Variants in MDH2 observed in about 807,000 individuals in gnomAD.
MDH2 encodes malate dehydrogenase 2, also known as malate dehydrogenase, mitochondrial.
MDH2 carries 25 observed loss-of-function variants against 33.6 expected under a neutral mutation model. The observed-to-expected ratio is 0.74, with a 90% confidence interval of 0.54 to 1.04. The LOEUF (loss-of-function observed/expected upper bound fraction) is 1.04. Ranked by LOEUF, MDH2 falls within the 50% of genes least tolerant of loss-of-function variation. The probability of loss-of-function intolerance (pLI) is 0.00; values close to 1 mark genes in which losing one functional copy is unlikely to be tolerated. For missense variants in MDH2, 432 were observed against 445.0 expected, an observed-to-expected ratio of 0.97 and a Z score of 0.26; for synonymous variants, 193 against 188.7, an observed-to-expected ratio of 1.02 and a Z score of -0.19.
intron 2 of MDH2, 61 bp from the exon 3 acceptor site, chr7:76,057,349 A>G: frequency 1.3e-6 from 2 of 1,591,502 alleles, no homozygotes; most frequent in Non-Finnish European, 1.7e-6. Flanking sequence ...CCAGGGCTGA[A>G]CTTTCCAGGC....
rs1554587288 is a variant in MDH2 at position 76,063,505 on chromosome 7, T to C, written c.556-10T>C. 3 of 1,614,114 alleles carry C rather than the reference T, an allele frequency of 1.9e-6. No individual in the cohort carries two copies. Among genetic ancestry groups the C allele is most frequent in the Admixed American group, 1.7e-5 (1 of 60,034 alleles). ...TGTTAACTCATCCAGCTTCATACTTTGGTCACCAGGGTTTGGATCCAGCTC... is the reference window on the plus strand; with the variant it reads ...TGTTAACTCATCCAGCTTCATACTTCGGTCACCAGGGTTTGGATCCAGCTC... On this transcript the variant is annotated splice_polypyrimidine_tract_variant and intron_variant, in intron 5 of 8. Transcript: ENST00000315758.
At chr7:76,061,923 AC>A (rs1554587076) in intron 5 of MDH2, among the ~76,000 whole-genome samples, 1 of 152,228 alleles carries the variant, frequency 6.6e-6, no homozygotes, top group East Asian at 1.9e-4. Flanking sequence ...CCTCTGCCAC[AC>A]AAACCACATT....
intron 1 of MDH2, chr7:76,048,800 T>C: frequency 8.2e-7 from 1 of 1,221,398 alleles, no homozygotes; most frequent in Non-Finnish European, 1.0e-6. Flanking sequence ...GTGGGCGGAC[T>C]GAGCCTGCCG....
intron 8 of MDH2, 53 bp from the exon 9 acceptor site, chr7:76,066,226 C>A (rs1490711118): frequency 5.0e-6 from 8 of 1,587,384 alleles, no homozygotes; most frequent in Non-Finnish European, 5.2e-6. Flanking sequence ...CGGGGTTTCT[C>A]TAACAAGCAC....
intron 8 of MDH2, among the ~76,000 whole-genome samples, chr7:76,065,703 T>G (rs1267319969): frequency 6.6e-6 from 1 of 152,002 alleles, no homozygotes; most frequent in Admixed American, 6.6e-5. Flanking sequence ...GGGAATTGAG[T>G]TGAGGTGAGG....
rs1798104924 is a variant in MDH2, at chr7:76,066,660, C to T, written c.*250C>T. 2 of 360,982 alleles carry T rather than the reference C, an allele frequency of 5.5e-6. No homozygotes were observed. The highest frequency in any genetic ancestry group is 5.0e-6 in the Non-Finnish European group (1 of 198,808). 22.4% of individuals were successfully genotyped at this position (360,982 alleles called of 1,614,324 possible). On this transcript the variant is annotated 3_prime_UTR_variant, in exon 9 of 9. Coordinates refer to ENST00000315758, the MANE Select transcript of MDH2 (RefSeq NM_005918.4). Reference sequence around the variant, plus strand: ...AGAGCCAACTTTAGAGTGTCTGCTACCTCTTCATTACCAATCAGAATTAGA... The same window carrying T: ...AGAGCCAACTTTAGAGTGTCTGCTATCTCTTCATTACCAATCAGAATTAGA...
At position 76,060,486 on chromosome 7, in the gene MDH2, T is replaced by G. The variant is rs61742694; in HGVS notation, c.543T>G (p.Val181=). ...TLDIVRANTF[V]AELKGLDPAR... ...ACATCGTCAGAGCCAACACCTTTGTTGCAGAGCTGAAGGTAAGGGCGGCGT... is the reference window on the plus strand; with the variant it reads ...ACATCGTCAGAGCCAACACCTTTGTGGCAGAGCTGAAGGTAAGGGCGGCGT... Residue 181 remains valine (V), a synonymous_variant, in exon 5 of 9, where the codon GTT becomes GTG. Coordinates refer to ENST00000315758, the MANE Select transcript of MDH2 (RefSeq NM_005918.4). 380 of 1,614,148 alleles carry G rather than the reference T, an allele frequency of 2.4e-4. 2 individuals carry two copies. The African/African-American group carries it at 3.6e-3, about 15-fold the overall frequency.
chr7:76,066,214 G>T, intron 8 of MDH2, 65 bp from the exon 9 acceptor site: 1 of 1,578,198 alleles, frequency 6.3e-7, no homozygotes, highest in Non-Finnish European at 8.6e-7. Context: ...GGAGCGACAG[G>T]TCGGGGTTTC....
At chr7:76,049,927 G>A (rs1257278237) in intron 1 of MDH2, among the ~76,000 whole-genome samples, 4 of 152,114 alleles carry the variant, frequency 2.6e-5, no homozygotes, top group African/African-American at 9.7e-5. Flanking sequence ...CACCTCCCAG[G>A]TTGGAGCGAT....
Position 76,066,523 on chromosome 7 carries a change from ACAT to A in MDH2, c.*120_*122del, listed in dbSNP as rs1554587943. ...TGCTTTGGTGATGATTACTGTATTG[ACAT>A]CATCATGCCTTCCAAATTGTGGGTG... On this transcript the variant is annotated 3_prime_UTR_variant, in exon 9 of 9. Transcript: ENST00000315758. 1.5e-6 allele frequency: 2 copies of A among 1,300,788 alleles called. No homozygotes were observed. The highest frequency in any genetic ancestry group is 2.7e-5 in the East Asian group (1 of 37,428). The allele number at this position is 1,300,788 out of a possible 1,614,324, so 80.6% of individuals were successfully genotyped here. A position where few individuals can be genotyped will look rare whatever the true frequency, so the allele number is the denominator to read the frequency against.
At chr7:76,064,594 G>A (rs782291117) in intron 7 of MDH2, among the ~76,000 whole-genome samples, 156 bp downstream of exon 7, 20 of 152,220 alleles carry the variant, frequency 1.3e-4, no homozygotes, top group Non-Finnish European at 2.6e-4. Flanking sequence ...AGGGCAGCTC[G>A]GCCTGCTTTG....
rs73705405 is a variant in MDH2 at position 76,067,346 on chromosome 7, T to G, written c.*936T>G. 6.6e-6 allele frequency: 1 copy of G among 152,308 alleles called. No individual in the cohort carries two copies. The highest frequency in any genetic ancestry group is 2.4e-5 in the African/African-American group (1 of 41,572). The allele number at this position is 152,308 out of a possible 1,614,324, so 9.4% of individuals were successfully genotyped here. A position where few individuals can be genotyped will look rare whatever the true frequency, so the allele number is the denominator to read the frequency against. ...GCTGGAGGTGTGCCCAGTACTTGGA[T>G]GTTCATCTGTCCACAACAGCTTTTT... On this transcript the variant is annotated 3_prime_UTR_variant, in exon 9 of 9. Transcript: ENST00000315758.
chr7:76,049,026 T>A, intron 1 of MDH2: 1 of 957,614 alleles, frequency 1.0e-6, no homozygotes, highest in Non-Finnish European at 1.2e-6. Context: ...TGAATCTAAT[T>A]AAACCTAATT....
At chr7:76,051,076 G>C (rs1797612395) in intron 1 of MDH2, among the ~76,000 whole-genome samples, 1 of 152,020 alleles carries the variant, frequency 6.6e-6, no homozygotes, top group Non-Finnish European at 1.5e-5. Flanking sequence ...GTAGAGATGG[G>C]GTTTCGCCAT....
chr7:76,064,730 G>A, intron 7 of MDH2, 72 bp from the exon 8 acceptor site: 1 of 1,495,652 alleles, frequency 6.7e-7, no homozygotes, highest in South Asian at 1.3e-5. Flanking sequence ...AGGTGTCTTG[G>A]CTGGCGGGGC....
In MDH2 at chr7:76,066,645, T is replaced by G; in HGVS notation, c.*235T>G. 1 of 412,574 alleles carries G rather than the reference T, an allele frequency of 2.4e-6. No homozygotes were observed. The highest frequency in any genetic ancestry group is 4.3e-5 in the South Asian group (1 of 23,198). The allele number at this position is 412,574 out of a possible 1,614,324, so 25.6% of individuals were successfully genotyped here. A position where few individuals can be genotyped will look rare whatever the true frequency, so the allele number is the denominator to read the frequency against. ...GCTTTCTTCCCTGTGAGAGCCAACTTTAGAGTGTCTGCTACCTCTTCATTA... is the reference window on the plus strand; with the variant it reads ...GCTTTCTTCCCTGTGAGAGCCAACTGTAGAGTGTCTGCTACCTCTTCATTA... On this transcript the variant is annotated 3_prime_UTR_variant, in exon 9 of 9. Transcript: ENST00000315758.
chr7:76,049,102 A>T (rs1441347637), intron 1 of MDH2: 1 of 984,874 alleles, frequency 1.0e-6, no homozygotes, highest in African/African-American at 1.8e-5. Flanking sequence ...GTAATTTTAA[A>T]GGGGAATCCA....
intron 8 of MDH2, 126 bp from the exon 9 acceptor site, chr7:76,066,153 G>T (rs1798090451): frequency 1.6e-6 from 2 of 1,228,214 alleles, no homozygotes; most frequent in Non-Finnish European, 2.2e-6. Flanking sequence ...GGCGTCCCCA[G>T]CAAGGCACCC....
chr7:76,056,050 A>T (rs1371229422), intron 2 of MDH2, among the ~76,000 whole-genome samples: 1 of 151,860 alleles, frequency 6.6e-6, no homozygotes, highest in African/African-American at 2.4e-5. Flanking sequence ...CTGGTCTAGA[A>T]CTCCTGACCT....
Sources: allele counts gnomAD v4.1 joint callset (sites outside exome capture counted in the v4.1 genomes callset), GRCh38; gene constraint gnomAD v4.1.1; transcripts MANE v1.5; gene names NCBI Gene and HGNC (gene_info 2026-07-23, HGNC 2026-07-21).